The following SPOCK3 variants were observed in gnomAD, a reference collection of about 807,000 sequenced individuals.
SPOCK3 encodes SPARC (osteonectin), cwcv and kazal like domains proteoglycan 3.
A neutral mutation model predicts 56.6 loss-of-function variants in SPOCK3; 30 were observed. That is an observed-to-expected ratio of 0.53 (90% confidence interval 0.40 to 0.72). The LOEUF (loss-of-function observed/expected upper bound fraction) is 0.72. SPOCK3 is among the 30% of genes least tolerant of loss of function. SPOCK3 has a pLI of 0.00. For missense variants in SPOCK3, 527 were observed against 530.0 expected (o/e 0.99, Z 0.06); for synonymous variants, 196 against 183.3 (o/e 1.07, Z -0.56).
chr4:167,060,293 G>GA (rs35693019), intron 3 of SPOCK3, among the ~76,000 whole-genome samples: 2,299 of 128,624 alleles, frequency 0.018, 20 homozygotes, highest in Non-Finnish European at 0.024. Context: ...ACCAGGCACA[G>GA]AAAAAAAAAA....
chr4:166,820,928 T>C (rs1744872153), intron 6 of SPOCK3, among the ~76,000 whole-genome samples: 1 of 151,934 alleles, frequency 6.6e-6, no homozygotes, highest in Admixed American at 6.6e-5. Flanking sequence ...AAAAACACTA[T>C]CGATAAATGA....
At chr4:167,165,050 C>T (rs1028308578) in intron 2 of SPOCK3, among the ~76,000 whole-genome samples, 6 of 152,094 alleles carry the variant, frequency 3.9e-5, no homozygotes, top group Admixed American at 2.0e-4. Flanking sequence ...ATTTACACTC[C>T]CACCAACAGT....
chr4:167,058,996 C>T (rs369895855), intron 3 of SPOCK3, among the ~76,000 whole-genome samples: 4 of 151,912 alleles, frequency 2.6e-5, no homozygotes, highest in South Asian at 4.2e-4. Context: ...ATACAAAAAT[C>T]AATTCAAGAT....
chr4:167,066,573 T>C (rs1407252152), intron 2 of SPOCK3, among the ~76,000 whole-genome samples: 1 of 151,868 alleles, frequency 6.6e-6, no homozygotes. Context: ...TAAATGCAGA[T>C]TTTTGTGTAA....
At chr4:166,884,408 C>T (rs1733987250) in intron 6 of SPOCK3, among the ~76,000 whole-genome samples, 1 of 151,520 alleles carries the variant, frequency 6.6e-6, no homozygotes, top group African/African-American at 2.4e-5. Flanking sequence ...AACTTTCAGG[C>T]TAAAGGATTG....
chr4:166,844,746 A>G (rs993521233), intron 6 of SPOCK3, among the ~76,000 whole-genome samples: 3 of 152,186 alleles, frequency 2.0e-5, no homozygotes, highest in East Asian at 1.9e-4. Context: ...ATCTACATCT[A>G]TATCTATATC....
At chr4:166,919,964 C>G (rs1316801231) in intron 4 of SPOCK3, among the ~76,000 whole-genome samples, 1 of 152,022 alleles carries the variant, frequency 6.6e-6, no homozygotes, top group Non-Finnish European at 1.5e-5. Flanking sequence ...TGCTGATAGC[C>G]TTATGTGACA....
intron 2 of SPOCK3, among the ~76,000 whole-genome samples, chr4:167,221,186 C>T (rs1735877620): frequency 1.3e-5 from 2 of 150,420 alleles, no homozygotes; most frequent in Non-Finnish European, 3.0e-5. Context: ...AAAGTGAAAC[C>T]CCAGTCTCTA....
In SPOCK3 at chr4:166,838,961, T is replaced by TA. The variant is rs899899974; in HGVS notation, c.590-46673dup. 2.7e-3 allele frequency among the ~76,000 whole-genome samples: 394 copies of TA among 145,240 alleles called. 3 individuals are homozygous for TA. The highest frequency in any genetic ancestry group is 0.02 in the South Asian group (89 of 4,494). Reference sequence around the variant, plus strand: ...TAGGCAACAAAGCAAGACTCCATCTTAAAAAAAAAAATCTTTGTCATATAG... The same window carrying TA: ...TAGGCAACAAAGCAAGACTCCATCTTAAAAAAAAAAAATCTTTGTCATATAG... On this transcript the variant is annotated intron_variant, in intron 6 of 10. Transcript: ENST00000357545.
At chr4:167,132,199 A>G (rs1301943485) in intron 2 of SPOCK3, among the ~76,000 whole-genome samples, 1 of 152,240 alleles carries the variant, frequency 6.6e-6, no homozygotes, top group South Asian at 2.1e-4. Context: ...TTTGAATTCA[A>G]CCAATACAAA....
intron 2 of SPOCK3, among the ~76,000 whole-genome samples, chr4:167,076,218 G>A (rs1001861627): frequency 7.2e-5 from 11 of 151,754 alleles, no homozygotes; most frequent in African/African-American, 2.4e-4. Context: ...CTATAATGGT[G>A]GATACATGCC....
chr4:166,917,313 A>T (rs1737969749), intron 4 of SPOCK3, among the ~76,000 whole-genome samples: 1 of 152,130 alleles, frequency 6.6e-6, no homozygotes, highest in Non-Finnish European at 1.5e-5. Flanking sequence ...TGCAAGCAGA[A>T]TAAAATGCCA....
chr4:167,166,870 T>C (rs984057870), intron 2 of SPOCK3, among the ~76,000 whole-genome samples: 6 of 152,120 alleles, frequency 3.9e-5, no homozygotes, highest in African/African-American at 1.4e-4. Flanking sequence ...TGAGTATTTC[T>C]CAAAGATTTT....
intron 2 of SPOCK3, among the ~76,000 whole-genome samples, chr4:167,108,120 G>A (rs1760328390): frequency 6.6e-6 from 1 of 151,800 alleles, no homozygotes; most frequent in Admixed American, 6.6e-5. Flanking sequence ...TCTCACCCCA[G>A]TTAAAATGGC....
chr4:167,121,567 T>C (rs965607654), intron 2 of SPOCK3, among the ~76,000 whole-genome samples: 1 of 151,800 alleles, frequency 6.6e-6, no homozygotes, highest in East Asian at 1.9e-4. Flanking sequence ...AAGAGGAAAA[T>C]ATTGAAAGAG....
intron 6 of SPOCK3, among the ~76,000 whole-genome samples, chr4:166,847,681 A>ATATATATATATATATATAC (rs1560926812): frequency 1.1e-5 from 1 of 91,230 alleles, no homozygotes; most frequent in Non-Finnish European, 2.1e-5. Context: ...ATATATATAT[A>ATATATATATATATATATAC]AGAATCATGT....
In SPOCK3 at chr4:167,093,306, T is replaced by C. The variant is rs182764337; in HGVS notation, c.190-30769A>G. Among the ~76,000 whole-genome samples, 361 of 152,234 alleles carry C rather than the reference T, an allele frequency of 2.4e-3. 1 individual carries two copies. The highest frequency in any genetic ancestry group is 4.2e-3 in the Non-Finnish European group (286 of 68,010). On this transcript the variant is annotated intron_variant, in intron 2 of 10. Coordinates refer to ENST00000357545, the MANE Select transcript of SPOCK3 (RefSeq NM_001040159.2). ...ATATATCCCTTAATTTTATGAGTCTTTTTTTATTTTAAGTTCAGGATACAT... is the reference window on the plus strand; with the variant it reads ...ATATATCCCTTAATTTTATGAGTCTCTTTTTATTTTAAGTTCAGGATACAT...
chr4:166,861,964 T>C (rs1579457084), intron 6 of SPOCK3, among the ~76,000 whole-genome samples: 3 of 152,114 alleles, frequency 2.0e-5, no homozygotes, highest in East Asian at 3.8e-4. Context: ...TAGTATTTTA[T>C]TCCCTTTTGC....
Position 166,772,100 on chromosome 4 carries a change from T to C in SPOCK3, c.710-17371A>G, listed in dbSNP as rs551610172. The stretch of plus-strand genomic sequence containing the variant: ...TTATAAATAATCTCATTTTATTTTA[T>C]AGTCAGTCTTAAAACCACATGAAGA... On this transcript the variant is annotated intron_variant, in intron 7 of 10. Transcript: ENST00000357545. Among the ~76,000 whole-genome samples the C allele has an allele frequency of 2.6e-5, 4 of 152,180 alleles. No homozygotes were observed. The East Asian group carries it at 5.8e-4, about 22-fold the overall frequency.
Sources: gnomAD v4.1 joint callset for allele counts (sites outside exome capture counted in the v4.1 genomes callset) on GRCh38, gnomAD v4.1.1 for gene constraint, MANE v1.5 for transcripts, NCBI Gene and HGNC (gene_info 2026-07-23, HGNC 2026-07-21) for gene names.